IGF2R: variants seen among roughly 807,000 people sequenced by gnomAD.
The protein encoded by IGF2R is insulin like growth factor 2 receptor.
IGF2R carries 91 observed loss-of-function variants against 270.6 expected under a neutral mutation model. That is an observed-to-expected ratio of 0.34 (90% confidence interval 0.28 to 0.40). The LOEUF is 0.40. Ranked by LOEUF, IGF2R falls within the 10% of genes least tolerant of loss-of-function variation. The pLI is 1.00. For synonymous variants in IGF2R, 1,316 were observed against 1,258.9 expected, an observed-to-expected ratio of 1.05 and a Z score of -0.96; for missense variants, 2,805 against 3,188.3, an observed-to-expected ratio of 0.88 and a Z score of 2.90.
At position 160,063,202 on chromosome 6, in the gene IGF2R, C is replaced by T. The variant is rs534176934; in HGVS notation, c.3671-213C>T. ...ACAGGGTGCCTGCCACCATGCCCAGCTAATTTTTGTATTTTTAGTAGAGAC... is the reference window on the plus strand; with the variant it reads ...ACAGGGTGCCTGCCACCATGCCCAGTTAATTTTTGTATTTTTAGTAGAGAC... On this transcript the variant is annotated intron_variant, in intron 26 of 47. Transcript: ENST00000356956. 2.0e-5 allele frequency among the ~76,000 whole-genome samples: 3 copies of T among 151,982 alleles called. No homozygotes were observed. In the South Asian group the frequency reaches 6.2e-4, roughly 32 times the overall value.
chr6:160,038,057 G>C (rs1161290886), intron 10 of IGF2R, among the ~76,000 whole-genome samples: 1 of 152,196 alleles, frequency 6.6e-6, no homozygotes, highest in East Asian at 1.9e-4. Flanking sequence ...TTTTGCCACA[G>C]AGAAATGGGT....
chr6:160,039,716 A>G (rs1777903699), intron 10 of IGF2R, among the ~76,000 whole-genome samples: 2 of 152,212 alleles, frequency 1.3e-5, no homozygotes, highest in African/African-American at 4.8e-5. Context: ...GGGGTGGGAA[A>G]AGGAGTGTTG....
At chr6:160,000,887 A>G (rs1364318734) in intron 2 of IGF2R, among the ~76,000 whole-genome samples, 1 of 151,538 alleles carries the variant, frequency 6.6e-6, no homozygotes, top group Non-Finnish European at 1.5e-5. Context: ...GGGCACCACC[A>G]TGTCCGGCTA....
chr6:160,036,808 C>T (rs1777837502), intron 10 of IGF2R, among the ~76,000 whole-genome samples: 1 of 151,856 alleles, frequency 6.6e-6, no homozygotes, highest in Non-Finnish European at 1.5e-5. Context: ...GTGGGGAGAT[C>T]TTGCCTTGTA....
At chr6:160,072,549 C>T (rs542639198) in intron 32 of IGF2R, among the ~76,000 whole-genome samples, 83 of 152,178 alleles carry the variant, frequency 5.5e-4, no homozygotes, top group Non-Finnish European at 7.2e-4. Context: ...CTGTGAGCCA[C>T]GATCTTTTCA....
At chr6:159,979,619 G>T (rs553310988) in intron 1 of IGF2R, among the ~76,000 whole-genome samples, 1 of 152,158 alleles carries the variant, frequency 6.6e-6, no homozygotes, top group African/African-American at 2.4e-5. Context: ...TGGAGAGTCC[G>T]CTGTCACCAG....
chr6:160,036,358 C>G (rs1379446034), intron 10 of IGF2R, among the ~76,000 whole-genome samples: 1 of 152,102 alleles, frequency 6.6e-6, no homozygotes, highest in African/African-American at 2.4e-5. Context: ...ACTTGGTGTC[C>G]CCAGTCCCCA....
chr6:160,029,476 T>A lies in IGF2R; in HGVS notation c.777-74T>A. 3 of 887,444 alleles carry A rather than the reference T, an allele frequency of 3.4e-6. No homozygotes were observed. The South Asian group carries it at 4.2e-5, about 12-fold the overall frequency. The allele number at this position is 887,444 out of a possible 1,614,324, so 55.0% of individuals were successfully genotyped here. The stretch of plus-strand genomic sequence containing the variant: ...CTCCCCCCCAAGTGAATGTGCTGAA[T>A]GCTCAGGGCAACATATGAATTTGGA... On this transcript the variant is annotated intron_variant, in intron 6 of 47. Coordinates refer to ENST00000356956, the MANE Select transcript of IGF2R (RefSeq NM_000876.4).
chr6:160,064,045 G>A (rs1286146809), intron 27 of IGF2R, among the ~76,000 whole-genome samples: 2 of 152,204 alleles, frequency 1.3e-5, no homozygotes, highest in East Asian at 1.9e-4. Context: ...CAGCAGTTGG[G>A]CAAGATTTAA....
chr6:160,033,901 T>C (rs1205275876), intron 9 of IGF2R, among the ~76,000 whole-genome samples: 1 of 152,228 alleles, frequency 6.6e-6, no homozygotes, highest in African/African-American at 2.4e-5. Context: ...TGAAAATGTG[T>C]TAGGGGCAGT....
At chr6:160,041,767 G>A (rs1053231630) in intron 11 of IGF2R, among the ~76,000 whole-genome samples, 9 of 152,198 alleles carry the variant, frequency 5.9e-5, no homozygotes, top group Admixed American at 5.9e-4. Flanking sequence ...TGCTGTTGTG[G>A]TTAAACACCC....
chr6:159,980,183 A>AGAG (rs1783760866), intron 1 of IGF2R, among the ~76,000 whole-genome samples: 1 of 121,876 alleles, frequency 8.2e-6, no homozygotes, highest in African/African-American at 3.4e-5. Flanking sequence ...TCCGTCTCAA[A>AGAG]AAAGAAAGAA....
At chr6:160,044,366 A>AG (rs1336210632) in intron 12 of IGF2R, 148 bp from the exon 13 acceptor site, 2 of 732,252 alleles carry the variant, frequency 2.7e-6, no homozygotes, top group Non-Finnish European at 2.3e-6. Flanking sequence ...TGGTGGGTTC[A>AG]GGGGGCTGGA....
At chr6:160,075,712 C>G (rs929130717) in intron 35 of IGF2R, 135 bp from the exon 36 acceptor site, 4 of 806,118 alleles carry the variant, frequency 5.0e-6, no homozygotes, top group Non-Finnish European at 7.9e-6. Flanking sequence ...TGGTATAAAC[C>G]CAGTTTCTTT....
chr6:160,080,997 G>A (rs56262344), intron 39 of IGF2R, among the ~76,000 whole-genome samples: 13,072 of 151,038 alleles, frequency 0.087, 859 homozygotes, highest in East Asian at 0.32. Context: ...GTGGTGGCGG[G>A]CGCCTGTAGT....
At chr6:159,995,564 C>T (rs1389128057) in intron 2 of IGF2R, among the ~76,000 whole-genome samples, 2 of 152,096 alleles carry the variant, frequency 1.3e-5, no homozygotes, top group African/African-American at 4.8e-5. Flanking sequence ...TGGGTTAATT[C>T]AAACCTGTCT....
chr6:160,032,636 T>A lies in IGF2R; in HGVS notation c.968T>A (p.Leu323Gln). 1.2e-6 allele frequency: 2 copies of A among 1,614,204 alleles called. No homozygotes were observed. Among genetic ancestry groups the A allele is most frequent in the Non-Finnish European group, 1.7e-6 (2 of 1,180,020 alleles). Residue 323 changes from leucine (L) to glutamine (Q), a missense_variant, in exon 8 of 48, where the codon CTG becomes CAG. By Grantham distance (113) the Leu-to-Gln change is moderately radical. Coordinates refer to ENST00000356956, the MANE Select transcript of IGF2R (RefSeq NM_000876.4). ...ITEYACHRDY[L>Q]ESKTCSLSGE... ...GAGTATGCCTGCCACAGAGATTACC[T>A]GGAAAGTAAAACTTGTTCTCTGAGC...
At chr6:160,093,342 C>T (rs896311576) in intron 44 of IGF2R, 3 of 255,130 alleles carry the variant, frequency 1.2e-5, no homozygotes, top group African/African-American at 2.2e-5. Context: ...GGCCAGCCCT[C>T]TTTTTGGGCA....
rs780877053 is a variant in IGF2R at position 160,088,059 on chromosome 6, A to G, written c.6232A>G (p.Lys2078Glu). Residue 2078 changes from lysine (K) to glutamate (E), a missense_variant, in exon 42 of 48, where the codon AAA becomes GAA. Lys to Glu is a moderately conservative substitution (Grantham distance 56). Transcript: ENST00000356956. The stretch of plus-strand genomic sequence containing the variant: ...TGACAAAGTTGTTGTCACGTACTCC[A>G]AAGGTTATCCGTGTGGTGGAAATAA... ...IGDKVVVTYSKGYPCGGNKTA... is the reference protein window; with the variant it reads ...IGDKVVVTYSEGYPCGGNKTA... The G allele has an allele frequency of 6.2e-7, 1 of 1,613,152 alleles. No homozygotes were observed. The highest frequency in any genetic ancestry group is 1.1e-5 in the South Asian group (1 of 91,058).
Sources: gnomAD v4.1 joint callset for allele counts (sites outside exome capture counted in the v4.1 genomes callset) on GRCh38, gnomAD v4.1.1 for gene constraint, MANE v1.5 for transcripts, NCBI Gene and HGNC (gene_info 2026-07-23, HGNC 2026-07-21) for gene names.